Variants in RAD54L observed in about 807,000 individuals in gnomAD.
RAD54L encodes the protein RAD54 like, also known as DNA repair and recombination protein RAD54-like.
In RAD54L, 74 loss-of-function variants were observed where a neutral mutation model predicts 91.6. The ratio of observed to expected loss-of-function variants is 0.81; its 90% confidence interval spans 0.67 to 0.98. The LOEUF (loss-of-function observed/expected upper bound fraction) is 0.98. Among genes scored for constraint, RAD54L ranks in the 50% least tolerant of loss-of-function variants. RAD54L has a pLI of 0.00. For synonymous variants in RAD54L, 304 were observed against 349.7 expected (o/e 0.87, Z 1.46); for missense variants, 887 against 945.7 (o/e 0.94, Z 0.81).
intron 10 of RAD54L, among the ~76,000 whole-genome samples, chr1:46,272,025 CTTTTTTTTTTTTT>C (rs1162693010): frequency 1.5e-3 from 60 of 41,170 alleles, no homozygotes; most frequent in African/African-American, 4.4e-3. Flanking sequence ...GGTCTGATGA[CTTTTTTTTTTTTT>C]TTTTTTTTTT....
chr1:46,249,910 TGG>T (rs1659751720), intron 2 of RAD54L, 88 bp from the exon 3 acceptor site: 1 of 1,437,584 alleles, frequency 7.0e-7, no homozygotes, highest in Admixed American at 1.7e-5. Context: ...GCACAGTGCC[TGG>T]CACTTAATAA....
chr1:46,275,313 G>A (rs964262193), intron 16 of RAD54L, among the ~76,000 whole-genome samples: 3 of 152,110 alleles, frequency 2.0e-5, no homozygotes, highest in Non-Finnish European at 2.9e-5. Flanking sequence ...TTATTCCTAA[G>A]ATCACACCGT....
At chr1:46,260,410 C>A in intron 5 of RAD54L, 132 bp from the exon 6 acceptor site, 1 of 1,009,988 alleles carries the variant, frequency 9.9e-7, no homozygotes, top group Non-Finnish European at 1.6e-6. Context: ...TATGGTTTTA[C>A]GATTTATCAG....
chr1:46,270,530 G>A (rs976284754), intron 9 of RAD54L, 129 bp from the exon 10 acceptor site: 1 of 1,200,636 alleles, frequency 8.3e-7, no homozygotes, highest in Non-Finnish European at 1.2e-6. Flanking sequence ...AACAGAAATT[G>A]GCCTATATTT....
rs142167263 is a variant in RAD54L at position 46,265,852 on chromosome 1, C to T, written c.892-1607C>T. Among the ~76,000 whole-genome samples, 44 of 152,282 alleles carry T rather than the reference C, an allele frequency of 2.9e-4. No homozygotes were observed. The highest frequency in any genetic ancestry group is 1.0e-3 in the African/African-American group (42 of 41,538). ...AAATCCCAGCTCTGCTACTTTCTACCGGCATGATTTTGGATAACTGTTTAC... is the reference window on the plus strand; with the variant it reads ...AAATCCCAGCTCTGCTACTTTCTACTGGCATGATTTTGGATAACTGTTTAC... On this transcript the variant is annotated intron_variant, in intron 8 of 17. Transcript: ENST00000371975. The surrounding 1 kb of genome is among the most constrained non-coding windows in gnomAD (Gnocchi z 4.8).
At chr1:46,269,590 C>G (rs1660363812) in intron 9 of RAD54L, among the ~76,000 whole-genome samples, 1 of 152,054 alleles carries the variant, frequency 6.6e-6, no homozygotes, top group African/African-American at 2.4e-5. Context: ...TAACATTGTC[C>G]TAGATATTCT....
intron 16 of RAD54L, among the ~76,000 whole-genome samples, chr1:46,275,717 C>T (rs766288009): frequency 3.9e-5 from 6 of 152,196 alleles, no homozygotes; most frequent in Non-Finnish European, 8.8e-5. Flanking sequence ...TCTACTCACT[C>T]ATCAGACTCC....
chr1:46,260,421 C>A, intron 5 of RAD54L, 121 bp from the exon 6 acceptor site: 1 of 1,064,900 alleles, frequency 9.4e-7, no homozygotes, highest in Non-Finnish European at 1.5e-6. Flanking sequence ...GATTTATCAG[C>A]CAAGAAGGTC....
chr1:46,266,255 T>C (rs1022019860), intron 8 of RAD54L, among the ~76,000 whole-genome samples: 4 of 152,188 alleles, frequency 2.6e-5, no homozygotes, highest in Admixed American at 6.5e-5. Context: ...TGGGGCCTCA[T>C]TGAGAAGGGC....
intron 3 of RAD54L, among the ~76,000 whole-genome samples, chr1:46,254,648 G>A (rs1659892100): frequency 6.6e-6 from 1 of 150,998 alleles, no homozygotes; most frequent in African/African-American, 2.4e-5. Flanking sequence ...GAATGCACTG[G>A]TGCGATCACG....
rs953511483 is a variant in RAD54L at position 46,271,916 on chromosome 1, C to G, written c.1170-550C>G. Among the ~76,000 whole-genome samples, 6 of 151,148 alleles carry G rather than the reference C, an allele frequency of 4.0e-5. No homozygotes were observed. In the South Asian group the frequency reaches 1.3e-3, roughly 31 times the overall value. On this transcript the variant is annotated intron_variant, in intron 10 of 17. Transcript: ENST00000371975. ...AGTCTTCTCTTGAAGACTAGGCAACCTATTGAAGGGGAAGAGAAAGTGCTG... is the reference window on the plus strand; with the variant it reads ...AGTCTTCTCTTGAAGACTAGGCAACGTATTGAAGGGGAAGAGAAAGTGCTG...
In RAD54L at chr1:46,278,431, A is replaced by AAAC; in HGVS notation, c.*150_*152dup. On this transcript the variant is annotated 3_prime_UTR_variant, in exon 18 of 18. Transcript: ENST00000371975. ...TTGCCCAAAATTTATTTTATAAGAA[A>AAAC]AACTTTTTTGGTTAAAAAAAAGAAT... 1 of 978,392 alleles carries AAAC rather than the reference A, an allele frequency of 1.0e-6. No homozygotes were observed. The highest frequency in any genetic ancestry group is 1.5e-6 in the Non-Finnish European group (1 of 648,504). 60.6% of individuals were successfully genotyped at this position (978,392 alleles called of 1,614,324 possible).
intron 8 of RAD54L, 26 bp from the exon 9 acceptor site, chr1:46,267,433 C>A (rs17102091): frequency 1.2e-6 from 2 of 1,613,134 alleles, no homozygotes; most frequent in Admixed American, 3.3e-5. Context: ...TGCCACATTG[C>A]GCTCTGAATA....
rs1456052547 is a variant in RAD54L at position 46,263,925 on chromosome 1, G to A, written c.891+2540G>A. 1.3e-5 allele frequency among the ~76,000 whole-genome samples: 2 copies of A among 152,086 alleles called. No homozygotes were observed. Among genetic ancestry groups the A allele is most frequent in the African/African-American group, 2.4e-5 (1 of 41,406 alleles). On this transcript the variant is annotated intron_variant, in intron 8 of 17. Coordinates refer to ENST00000371975, the MANE Select transcript of RAD54L (RefSeq NM_003579.4). The surrounding 1 kb of genome is among the most constrained non-coding windows in gnomAD (Gnocchi z 4.3). The stretch of plus-strand genomic sequence containing the variant: ...TAATTCTCCTGCCTCAGCCACCCGA[G>A]TAGCTGATATTACAGGCGTGCACCA...
In RAD54L at chr1:46,265,986, A is replaced by G. The variant is rs1660256361; in HGVS notation, c.892-1473A>G. 6.6e-6 allele frequency among the ~76,000 whole-genome samples: 1 copy of G among 152,364 alleles called. No homozygotes were observed. Among genetic ancestry groups the G allele is most frequent in the East Asian group, 1.9e-4 (1 of 5,188 alleles). On this transcript the variant is annotated intron_variant, in intron 8 of 17. Coordinates refer to ENST00000371975, the MANE Select transcript of RAD54L (RefSeq NM_003579.4). This position sits in a 1 kb window ranked among gnomAD's most constrained non-coding sequence, Gnocchi z 4.8. ...GTGTTTAGTTAGTACCATGCCTACC[A>G]CATTAAACGGGTTCACTAAATAGTA...
At chr1:46,267,425 C>T (rs756758491) in intron 8 of RAD54L, 34 bp from the exon 9 acceptor site, 2 of 1,612,866 alleles carry the variant, frequency 1.2e-6, no homozygotes, top group East Asian at 4.5e-5. Context: ...ATAGGGAATG[C>T]CACATTGCGC....
rs369282607 is a variant in RAD54L, at chr1:46,273,427, C to G, written c.1448C>G (p.Pro483Arg). 3.2e-5 allele frequency: 52 copies of G among 1,613,946 alleles called. No homozygotes were observed. Among genetic ancestry groups the G allele is most frequent in the Non-Finnish European group, 4.2e-5 (49 of 1,179,950 alleles). ...GTGGGTGCCTTGGACCTCTTCCCTC[C>G]TGGTTACAGCTCTAAGGCCCTGGAG... ...GFVGALDLFP[P>R]GYSSKALEPQ... Residue 483 changes from proline to arginine, a missense_variant, in exon 13 of 18, where the codon CCT becomes CGT. Transcript: ENST00000371975.
intron 15 of RAD54L, 86 bp downstream of exon 15, chr1:46,274,302 ATTT>A (rs375364553): frequency 1.7e-5 from 20 of 1,182,330 alleles, no homozygotes; most frequent in Non-Finnish European, 2.2e-5. Context: ...GGTTACCTTG[ATTT>A]TTTTTTTTTT....
In RAD54L at chr1:46,263,353, T is replaced by C. The variant is rs1660183674; in HGVS notation, c.891+1968T>C. Among the ~76,000 whole-genome samples the C allele has an allele frequency of 6.6e-6, 1 of 152,176 alleles. No homozygotes were observed. The highest frequency in any genetic ancestry group is 1.5e-5 in the Non-Finnish European group (1 of 68,032). On this transcript the variant is annotated intron_variant, in intron 8 of 17. Coordinates refer to ENST00000371975, the MANE Select transcript of RAD54L (RefSeq NM_003579.4). The surrounding 1 kb of genome is among the most constrained non-coding windows in gnomAD (Gnocchi z 4.3). Reference sequence around the variant, plus strand: ...CGACCCTGAGGCTATAGTCATTGTTTGCAACTTCTTGGGAGAGTTAACCTC... The same window carrying C: ...CGACCCTGAGGCTATAGTCATTGTTCGCAACTTCTTGGGAGAGTTAACCTC...
Sources: allele counts gnomAD v4.1 joint callset (sites outside exome capture counted in the v4.1 genomes callset), GRCh38; gene constraint gnomAD v4.1.1; non-coding constraint Gnocchi (gnomAD v3.1); transcripts MANE v1.5; gene names NCBI Gene and HGNC (gene_info 2026-07-23, HGNC 2026-07-21).